KLC4: variants seen among roughly 807,000 people sequenced by gnomAD.
KLC4 encodes the protein kinesin light chain 4.
KLC4 carries 49 observed loss-of-function variants against 77.2 expected under a neutral mutation model. That is an observed-to-expected ratio of 0.63 (90% CI 0.50 to 0.80). The LOEUF (loss-of-function observed/expected upper bound fraction) is 0.80, where lower values mean the gene tolerates loss of function less well. KLC4 is among the 30% of genes least tolerant of loss of function. The probability of loss-of-function intolerance (pLI) is 0.00; values close to 1 mark genes in which losing one functional copy is unlikely to be tolerated. For synonymous variants in KLC4, 274 were observed against 314.5 expected (o/e 0.87, Z 1.36); for missense variants, 669 against 793.5 (o/e 0.84, Z 1.89).
At chr6:43,064,420 A>G (rs1765315842) in intron 3 of KLC4, among the ~76,000 whole-genome samples, 1 of 152,182 alleles carries the variant, frequency 6.6e-6, no homozygotes, top group Non-Finnish European at 1.5e-5. Flanking sequence ...GCTACTCTGG[A>G]GGCTGAGGTG....
At position 43,061,482 on chromosome 6, in the gene KLC4, G is replaced by A. The variant is rs1765155801; in HGVS notation, c.147G>A (p.Gln49=). The stretch of plus-strand genomic sequence containing the variant: ...AGGCCGTGCTGCAAAGCCTGTCCCA[G>A]ACCATTGAGTGTCTGCAGCAGGGAG... ...EHQAVLQSLS[Q]TIECLQQGGH... Residue 49 remains glutamine, a synonymous_variant, in exon 2 of 16, where the codon CAG becomes CAA. Coordinates refer to ENST00000347162, the MANE Select transcript of KLC4 (RefSeq NM_201521.3). 6.2e-7 allele frequency: 1 copy of A among 1,614,204 alleles called. No individual in the cohort carries two copies. Among genetic ancestry groups the A allele is most frequent in the Non-Finnish European group, 8.5e-7 (1 of 1,180,022 alleles).
Position 43,071,942 on chromosome 6 carries a change from C to A in KLC4, c.1379+20C>A. Reference sequence around the variant, plus strand: ...GAGCAGGTGAGCTGACAGTGAAAAGCCAGCTTGGCCTCCGATGCCCTCCAT... The same window carrying A: ...GAGCAGGTGAGCTGACAGTGAAAAGACAGCTTGGCCTCCGATGCCCTCCAT... On this transcript the variant is annotated intron_variant, in intron 11 of 15. Coordinates refer to ENST00000347162, the MANE Select transcript of KLC4 (RefSeq NM_201521.3). The A allele has an allele frequency of 6.2e-7, 1 of 1,600,808 alleles. No individual in the cohort carries two copies. Among genetic ancestry groups the A allele is most frequent in the Non-Finnish European group, 8.5e-7 (1 of 1,174,362 alleles).
chr6:43,068,671 G>A (rs1345050674), intron 6 of KLC4, among the ~76,000 whole-genome samples: 1 of 151,754 alleles, frequency 6.6e-6, no homozygotes, highest in Non-Finnish European at 1.5e-5. Context: ...AATTAGCCAG[G>A]CATGGTGGCA....
intron 15 of KLC4, chr6:43,074,217 C>A: frequency 2.1e-6 from 1 of 467,698 alleles, no homozygotes; most frequent in Non-Finnish European, 3.7e-6. Flanking sequence ...TAAACTGGTA[C>A]TTTGGAATTA....
In KLC4 at chr6:43,072,846, C is replaced by T. The variant is rs745503574; in HGVS notation, c.1511C>T (p.Thr504Met). The T allele has an allele frequency of 2.0e-5, 33 of 1,613,720 alleles. 1 individual carries two copies. Among genetic ancestry groups the T allele is most frequent in the Admixed American group, 1.5e-4 (9 of 59,966 alleles). The change falls in exon 13 of 16, where the codon ACG becomes ATG. Residue 504 changes from threonine to methionine, a missense_variant. Physicochemically the swap from Thr to Met is moderately conservative, Grantham distance 81. Coordinates refer to ENST00000347162, the MANE Select transcript of KLC4 (RefSeq NM_201521.3). ...RRQGTDPISQ[T>M]KVAELLGESD... The stretch of plus-strand genomic sequence containing the variant: ...CAGGGCACTGACCCTATCAGCCAGA[C>T]GAAGGTGGCAGAGCTGCTTGGGGAG...
Position 43,072,337 on chromosome 6 carries a change from T to C in KLC4, c.1488+82T>C, listed in dbSNP as rs1007785902. 7.7e-6 allele frequency: 8 copies of C among 1,032,412 alleles called. 1 individual carries two copies. The East Asian group carries it at 1.2e-4, about 16-fold the overall frequency. The allele number at this position is 1,032,412 out of a possible 1,614,324, so 64.0% of individuals were successfully genotyped here. ...GTGCCGAGGTTTCTTGGGAGTCTCC[T>C]AAGAATAAGCGGAAAGGCTGATGAA... On this transcript the variant is annotated intron_variant, in intron 12 of 15. Coordinates refer to ENST00000347162, the MANE Select transcript of KLC4 (RefSeq NM_201521.3).
intron 14 of KLC4, 76 bp from the exon 15 acceptor site, chr6:43,073,826 T>TG (rs1765846286): frequency 4.6e-6 from 6 of 1,303,648 alleles, no homozygotes; most frequent in Non-Finnish European, 6.7e-6. Flanking sequence ...AGTGTGGCAG[T>TG]GCTCAAGAGG....
chr6:43,067,394 A>C (rs1765492165), intron 6 of KLC4: 1 of 440,564 alleles, frequency 2.3e-6, no homozygotes, highest in Admixed American at 4.1e-5. Context: ...GAAAAACAAG[A>C]AAAGTAATTT....
intron 3 of KLC4, 140 bp from the exon 4 acceptor site, chr6:43,065,480 A>G: frequency 1.7e-6 from 1 of 598,058 alleles, no homozygotes; most frequent in Non-Finnish European, 3.0e-6. Flanking sequence ...GCCACTTGCT[A>G]GCCTTTCCAG....
Position 43,074,928 on chromosome 6 carries a change from C to A in KLC4, c.*256C>A. The A allele has an allele frequency of 2.0e-6, 1 of 503,382 alleles. No homozygotes were observed. The highest frequency in any genetic ancestry group is 3.6e-6 in the Non-Finnish European group (1 of 278,370). 31.2% of individuals were successfully genotyped at this position (503,382 alleles called of 1,614,324 possible). Reference sequence around the variant, plus strand: ...CTGAGGCCCCAAGGTGGGTACAAAGCAGGTATGGCCCTCAGAGATGCAGCC... The same window carrying A: ...CTGAGGCCCCAAGGTGGGTACAAAGAAGGTATGGCCCTCAGAGATGCAGCC... On this transcript the variant is annotated 3_prime_UTR_variant, in exon 16 of 16. Coordinates refer to ENST00000347162, the MANE Select transcript of KLC4 (RefSeq NM_201521.3).
At chr6:43,071,724 C>T in intron 10 of KLC4, 105 bp downstream of exon 10, 1 of 1,446,068 alleles carries the variant, frequency 6.9e-7, no homozygotes, top group African/African-American at 1.4e-5. Context: ...CAGCACCAGC[C>T]CCAGATGCAT....
chr6:43,071,698 C>T (rs1765739912), intron 10 of KLC4, 79 bp downstream of exon 10: 1 of 1,498,210 alleles, frequency 6.7e-7, no homozygotes, highest in Non-Finnish European at 9.2e-7. Context: ...ATTAGCCCAA[C>T]TCTCACTTCC....
intron 1 of KLC4, chr6:43,060,401 G>A: frequency 6.6e-7 from 1 of 1,513,300 alleles, no homozygotes; most frequent in Non-Finnish European, 8.9e-7. Context: ...AAGACCTGTG[G>A]GCAGAGGGAG....
At chr6:43,071,178 T>C in intron 8 of KLC4, 97 bp from the exon 9 acceptor site, 1 of 722,816 alleles carries the variant, frequency 1.4e-6, no homozygotes, top group East Asian at 2.7e-5. Flanking sequence ...TGGAACTCCC[T>C]GAGCCTGGTG....
In KLC4 at chr6:43,071,873, A is replaced by T. The variant is rs975001336; in HGVS notation, c.1330A>T (p.Thr444Ser). The T allele has an allele frequency of 2.5e-6, 4 of 1,612,352 alleles. No homozygotes were observed. The highest frequency in any genetic ancestry group is 1.1e-5 in the South Asian group (1 of 90,394). The change falls in exon 11 of 16, where the codon ACA (threonine) becomes TCA (serine). Residue 444 changes from threonine to serine, a missense_variant. Coordinates refer to ENST00000347162, the MANE Select transcript of KLC4 (RefSeq NM_201521.3). ...GCAGAGCCGGCACCATGAGGGTGGGACACCCTATGCTGAGTATGGAGGCTG... is the reference window on the plus strand; with the variant it reads ...GCAGAGCCGGCACCATGAGGGTGGGTCACCCTATGCTGAGTATGGAGGCTG... ...MSKSRHHEGG[T>S]PYAEYGGWYK...
chr6:43,061,072 T>C (rs1343073126), intron 1 of KLC4: 2 of 530,436 alleles, frequency 3.8e-6, no homozygotes, highest in African/African-American at 3.8e-5. Context: ...AGCACCTTTG[T>C]TCCTACTATA....
chr6:43,060,187 G>C, intron 1 of KLC4: 1 of 1,613,928 alleles, frequency 6.2e-7, no homozygotes, highest in Non-Finnish European at 8.5e-7. Context: ...CTGTTTGTAG[G>C]TGACCGTGAC....
chr6:43,068,301 G>A (rs1397166520), intron 6 of KLC4, among the ~76,000 whole-genome samples: 15 of 148,910 alleles, frequency 1.0e-4, no homozygotes, highest in Non-Finnish European at 1.6e-4. Context: ...GTGAAACCCC[G>A]TCTCTACTAA....
intron 3 of KLC4, 62 bp downstream of exon 3, chr6:43,063,209 G>A (rs1237610895): frequency 7.7e-7 from 1 of 1,290,906 alleles, no homozygotes; most frequent in Non-Finnish European, 1.1e-6. Flanking sequence ...ACAGACATGG[G>A]GGCAATTGCC....
Sources: gnomAD v4.1 joint callset for allele counts (sites outside exome capture counted in the v4.1 genomes callset) on GRCh38, gnomAD v4.1.1 for gene constraint, MANE v1.5 for transcripts, NCBI Gene and HGNC (gene_info 2026-07-23, HGNC 2026-07-21) for gene names.